Variants in KHDRBS2 observed in about 807,000 individuals in gnomAD.
The protein encoded by KHDRBS2 is KH domain-containing, RNA-binding, signal transduction-associated protein 2.
KHDRBS2 carries 26 observed loss-of-function variants against 44.3 expected under a neutral mutation model. That is an observed-to-expected ratio of 0.59 (90% confidence interval 0.43 to 0.81). The LOEUF (loss-of-function observed/expected upper bound fraction) is 0.81. Among genes scored for constraint, KHDRBS2 ranks in the 40% least tolerant of loss-of-function variants. The pLI is 0.00. For synonymous variants in KHDRBS2, 194 were observed against 151.1 expected (o/e 1.28, Z -2.08); for missense variants, 476 against 433.1 (o/e 1.10, Z -0.88).
intron 4 of KHDRBS2, among the ~76,000 whole-genome samples, chr6:61,926,141 AG>A (rs1808929918): frequency 6.6e-6 from 1 of 152,226 alleles, no homozygotes; most frequent in Admixed American, 6.5e-5. Context: ...GAGGAGCCAT[AG>A]TAGAGAAAAC....
chr6:61,909,537 T>G (rs965536732), intron 4 of KHDRBS2, among the ~76,000 whole-genome samples: 4 of 152,194 alleles, frequency 2.6e-5, no homozygotes, highest in Non-Finnish European at 5.9e-5. Flanking sequence ...GTAAGGCCAA[T>G]TCCCCCTATG....
At chr6:61,619,461 G>C in the KHDRBS2 span, among the ~76,000 whole-genome samples, 1 of 113,226 alleles carries the variant, frequency 8.8e-6, no homozygotes, top group Admixed American at 9.4e-5. Context: ...TTGTTTGTTT[G>C]TTTGTTTTTT....
chr6:61,682,363 T>A (rs1766395636), intron 8 of KHDRBS2, among the ~76,000 whole-genome samples: 1 of 151,824 alleles, frequency 6.6e-6, no homozygotes, highest in African/African-American at 2.4e-5. Flanking sequence ...AAATAAAAAA[T>A]TATATCTCTT....
At chr6:62,017,985 A>G (rs552928844) in intron 3 of KHDRBS2, among the ~76,000 whole-genome samples, 3 of 152,054 alleles carry the variant, frequency 2.0e-5, no homozygotes, top group South Asian at 4.1e-4. Flanking sequence ...TCCATTAATC[A>G]TGTGCCATTA....
chr6:62,202,912 T>A (rs992394562), intron 1 of KHDRBS2, among the ~76,000 whole-genome samples: 2 of 152,176 alleles, frequency 1.3e-5, no homozygotes, highest in African/African-American at 4.8e-5. Context: ...GATCAGCTTA[T>A]GGCAGAAAAG....
At chr6:61,967,025 T>A (rs1476605715) in intron 4 of KHDRBS2, among the ~76,000 whole-genome samples, 2 of 151,836 alleles carry the variant, frequency 1.3e-5, no homozygotes, top group Non-Finnish European at 2.9e-5. Context: ...TCTACAAAAA[T>A]TATGTATATT....
chr6:61,583,586 C>G, the KHDRBS2 span, among the ~76,000 whole-genome samples: 3 of 151,666 alleles, frequency 2.0e-5, no homozygotes, highest in Admixed American at 2.0e-4. Flanking sequence ...TTTGTTCATC[C>G]TTTGCCACAC....
chr6:61,952,388 C>A (rs1375193798), intron 4 of KHDRBS2, among the ~76,000 whole-genome samples: 1 of 152,080 alleles, frequency 6.6e-6, no homozygotes, highest in African/African-American at 2.4e-5. Context: ...TCCACCTAAT[C>A]TTTTTTCTAT....
intron 6 of KHDRBS2, among the ~76,000 whole-genome samples, chr6:61,873,143 T>C (rs1229229097): frequency 6.6e-6 from 1 of 152,038 alleles, no homozygotes; most frequent in East Asian, 1.9e-4. Flanking sequence ...AAAATCATGG[T>C]CTATTAAAAG....
At chr6:62,086,301 T>C (rs947534826) in intron 2 of KHDRBS2, among the ~76,000 whole-genome samples, 9 of 152,176 alleles carry the variant, frequency 5.9e-5, no homozygotes, top group Admixed American at 2.0e-4. Context: ...CCCAGGATTC[T>C]GTCTGAATAG....
At chr6:61,708,940 T>C (rs1208325382) in intron 7 of KHDRBS2, among the ~76,000 whole-genome samples, 1 of 151,642 alleles carries the variant, frequency 6.6e-6, no homozygotes, top group Non-Finnish European at 1.5e-5. Flanking sequence ...AAAAACAGTA[T>C]TTGAAATTAA....
rs529426639 is a variant in KHDRBS2, at chr6:61,818,074, A to G, written c.810+76561T>C. 3.0e-4 allele frequency among the ~76,000 whole-genome samples: 46 copies of G among 152,072 alleles called. 1 individual carries two copies. In the South Asian group the frequency reaches 9.3e-3, roughly 31 times the overall value. ...GGGAAAAATCCCTAAAAGTGCCACA[A>G]ATTTACTTAGGAATTTCACTTATTA... is the stretch of plus-strand genomic sequence containing the variant. On this transcript the variant is annotated intron_variant, in intron 6 of 8. Transcript: ENST00000281156.
At chr6:61,574,376 G>A in the KHDRBS2 span, 4 of 1,526,220 alleles carry the variant, frequency 2.6e-6, no homozygotes, top group Non-Finnish European at 3.5e-6. Flanking sequence ...CACTGCAACT[G>A]ACCTGCCCGT....
intron 3 of KHDRBS2, among the ~76,000 whole-genome samples, chr6:62,002,621 G>C (rs1353610202): frequency 1.3e-5 from 2 of 151,132 alleles, no homozygotes; most frequent in East Asian, 2.0e-4. Flanking sequence ...ATGTAGAATA[G>C]AGCAATGTAA....
rs1405256337 is a variant in KHDRBS2 at position 61,680,070 on chromosome 6, A to T, written c.*893T>A. 2.0e-5 allele frequency: 3 copies of T among 152,250 alleles called. No individual in the cohort carries two copies. Among genetic ancestry groups the T allele is most frequent in the Non-Finnish European group, 4.4e-5 (3 of 67,916 alleles). The allele number at this position is 152,250 out of a possible 1,614,324, so 9.4% of individuals were successfully genotyped here. A position where few individuals can be genotyped will look rare whatever the true frequency, so the allele number is the denominator to read the frequency against. ...AACAGTTTAGTTTGTTAACTTTTAA[A>T]TTATTTAACAACCATAAGTTATTAA... On this transcript the variant is annotated 3_prime_UTR_variant, in exon 9 of 9. Coordinates refer to ENST00000281156, the MANE Select transcript of KHDRBS2 (RefSeq NM_152688.4).
chr6:62,092,400 T>C (rs1053259678), intron 2 of KHDRBS2, among the ~76,000 whole-genome samples: 1 of 152,194 alleles, frequency 6.6e-6, no homozygotes, highest in Non-Finnish European at 1.5e-5. Context: ...TTAGCTCTCA[T>C]TCACATCAGA....
the KHDRBS2 span, among the ~76,000 whole-genome samples, chr6:61,665,606 C>T: frequency 4.1e-4 from 62 of 151,068 alleles, no homozygotes; most frequent in African/African-American, 1.5e-3. Context: ...AGAAAAATTA[C>T]ATAAATAATG....
downstream of KHDRBS2, among the ~76,000 whole-genome samples, chr6:61,677,488 T>C (rs1766010627): frequency 6.6e-6 from 1 of 151,916 alleles, no homozygotes; most frequent in Non-Finnish European, 1.5e-5. Flanking sequence ...CAAATAATTG[T>C]TTTAAGAGTT....
intron 2 of KHDRBS2, among the ~76,000 whole-genome samples, chr6:62,114,586 T>C (rs7743234): frequency 0.61 from 92,894 of 151,920 alleles, 28,616 homozygotes; most frequent in Non-Finnish European, 0.62. Context: ...ATGATCTAAG[T>C]GATGGGAGGC....
Sources: gnomAD v4.1 joint callset for allele counts (sites outside exome capture counted in the v4.1 genomes callset) on GRCh38, gnomAD v4.1.1 for gene constraint, MANE v1.5 for transcripts, NCBI Gene and HGNC (gene_info 2026-07-23, HGNC 2026-07-21) for gene names.